The following PTCH2 variants were observed in gnomAD, a reference collection of about 807,000 sequenced individuals.
The protein encoded by PTCH2 is patched 2.
A neutral mutation model predicts 117.9 loss-of-function variants in PTCH2; 96 were observed. The observed-to-expected ratio is 0.81, with a 90% confidence interval of 0.69 to 0.96. The LOEUF is 0.96. PTCH2 is among the 50% of genes least tolerant of loss of function. PTCH2 has a pLI of 0.00. For synonymous variants in PTCH2, 615 were observed against 660.9 expected (o/e 0.93, Z 1.06); for missense variants, 1,379 against 1,562.5 (o/e 0.88, Z 1.98).
In PTCH2 at chr1:44,828,382, G is replaced by A. The variant is rs1458154959; in HGVS notation, c.1623C>T (p.Ala541=). Residue 541 remains alanine, a synonymous_variant, in exon 13 of 22, where the codon GCC becomes GCT. Transcript: ENST00000372192. ...GGATGGCTGGGAAGACAAGCATCAC[G>A]GCTACAAAGGTGCAGCCAACCACTA... The part of the protein sequence containing the change: ...AAIVVGCTFV[A]VMLVFPAILS... The A allele has an allele frequency of 4.3e-6, 7 of 1,614,046 alleles. No homozygotes were observed. The highest frequency in any genetic ancestry group is 3.3e-5 in the South Asian group (3 of 91,088).
In PTCH2 at chr1:44,822,339, G is replaced by C. The variant is rs1169161992; in HGVS notation, c.*76C>G. The C allele has an allele frequency of 6.2e-7, 1 of 1,606,804 alleles. No homozygotes were observed. Among genetic ancestry groups the C allele is most frequent in the Non-Finnish European group, 8.5e-7 (1 of 1,179,880 alleles). On this transcript the variant is annotated 3_prime_UTR_variant, in exon 22 of 22. Coordinates refer to ENST00000372192, the MANE Select transcript of PTCH2 (RefSeq NM_003738.5). ...GCAGGGCCCTCCAGGGGTCCATCCT[G>C]CGTCTAACACCAGACCCAGTGCTTC...
chr1:44,832,377 G>T, intron 2 of PTCH2, 36 bp from the exon 3 acceptor site: 1 of 1,610,926 alleles, frequency 6.2e-7, no homozygotes, highest in Non-Finnish European at 8.5e-7. Flanking sequence ...GGGGGGAAAG[G>T]GCCTAGGCGG....
In PTCH2 at chr1:44,827,006, ACCCACACGGTCAG is replaced by A. The variant is rs1470305970; in HGVS notation, c.2578_2590del (p.Leu860Ter). The A allele has an allele frequency of 6.2e-6, 10 of 1,613,912 alleles. No individual in the cohort carries two copies. The highest frequency in any genetic ancestry group is 8.5e-6 in the Non-Finnish European group (10 of 1,180,012). On this transcript the variant is annotated frameshift_variant, in exon 17 of 22. Coordinates refer to ENST00000372192, the MANE Select transcript of PTCH2 (RefSeq NM_003738.5). LOFTEE classifies it high-confidence loss of function. ...TGCCAGACCCAGGGGGTCACTGCTC[ACCCACACGGTCAG>A]CCCCATGTAGAAGAGCTCGGGTGGA...
chr1:44,830,587 C>CAAAAAAAAAAACAAAAAAAA (rs1653390315), intron 6 of PTCH2, among the ~76,000 whole-genome samples: 1 of 65,178 alleles, frequency 1.5e-5, no homozygotes. Flanking sequence ...GAGTGAGACT[C>CAAAAAAAAAAACAAAAAAAA]AAAAAAAAAA....
chr1:44,830,150 A>T lies in PTCH2; in HGVS notation c.814-120T>A, dbSNP rs529709872. On this transcript the variant is annotated intron_variant, in intron 6 of 21. Coordinates refer to ENST00000372192, the MANE Select transcript of PTCH2 (RefSeq NM_003738.5). ...AGCTCAGTAGGGCTGGAGTGTAGGT[A>T]ACTATTCTGAGCCTCTTGACTGCTC... is the stretch of plus-strand genomic sequence containing the variant. The T allele has an allele frequency of 9.5e-6, 13 of 1,369,130 alleles. No homozygotes were observed. In the South Asian group the frequency reaches 1.7e-4, roughly 18 times the overall value. The allele number at this position is 1,369,130 out of a possible 1,614,324, so 84.8% of individuals were successfully genotyped here. A position where few individuals can be genotyped will look rare whatever the true frequency, so the allele number is the denominator to read the frequency against.
chr1:44,822,440 C>T lies in PTCH2; in HGVS notation c.3587G>A (p.Arg1196Lys). 1 of 1,613,904 alleles carries T rather than the reference C, an allele frequency of 6.2e-7. No individual in the cohort carries two copies. Among genetic ancestry groups the T allele is most frequent in the Non-Finnish European group, 8.5e-7 (1 of 1,180,030 alleles). Residue 1196 changes from arginine to lysine, a missense_variant, in exon 22 of 22, where the codon AGG becomes AAG. Coordinates refer to ENST00000372192, the MANE Select transcript of PTCH2 (RefSeq NM_003738.5). Reference sequence around the variant, plus strand: ...TCACCCAGTGGCTGGACCTGGTCCCCTGGAACTGAGGTTGCCAGAGCTAGT... The same window carrying T: ...TCACCCAGTGGCTGGACCTGGTCCCTTGGAACTGAGGTTGCCAGAGCTAGT... ...AATSSGNLSS[R>K]GPGPATG
At position 44,823,007 on chromosome 1, in the gene PTCH2, T is replaced by C. The variant is rs879692144; in HGVS notation, c.3357+62A>G. On this transcript the variant is annotated intron_variant, in intron 21 of 21. Transcript: ENST00000372192. The surrounding 1 kb of genome is among the most constrained non-coding windows in gnomAD (Gnocchi z 5.1). ...GGCCACAGGGCTCTGTCCCTTCCCTTGCCTCTCCCTACCCCGTCCCTTGGG... is the reference window on the plus strand; with the variant it reads ...GGCCACAGGGCTCTGTCCCTTCCCTCGCCTCTCCCTACCCCGTCCCTTGGG... The C allele has an allele frequency of 1.2e-5, 19 of 1,546,492 alleles. No homozygotes were observed. In the Admixed American group the frequency reaches 3.0e-4, roughly 25 times the overall value.
At chr1:44,836,669 C>T (rs1353216953) in intron 2 of PTCH2, among the ~76,000 whole-genome samples, 1 of 151,612 alleles carries the variant, frequency 6.6e-6, no homozygotes, top group Non-Finnish European at 1.5e-5. Context: ...CAATCCACTG[C>T]ACTCCAGCCT....
At chr1:44,828,220 T>G (rs1653252509) in intron 13 of PTCH2, 29 bp from the exon 14 acceptor site, 1 of 1,612,970 alleles carries the variant, frequency 6.2e-7, no homozygotes, top group Admixed American at 1.7e-5. Flanking sequence ...GGATGACAGG[T>G]CTGTGCCTTG....
At chr1:44,839,702 G>T (rs1188199780) in intron 2 of PTCH2, among the ~76,000 whole-genome samples, 2 of 152,316 alleles carry the variant, frequency 1.3e-5, no homozygotes, top group African/African-American at 2.4e-5. Flanking sequence ...CAGTGGTGTG[G>T]GTGGGGATAT....
intron 6 of PTCH2, 63 bp from the exon 7 acceptor site, chr1:44,830,093 G>T (rs998018755): frequency 6.3e-7 from 1 of 1,598,804 alleles, no homozygotes; most frequent in South Asian, 1.1e-5. Flanking sequence ...AGTGTCCCTG[G>T]GCTTCCACCT....
rs1460826948 is a variant in PTCH2 at position 44,829,736 on chromosome 1, A to G, written c.961T>C (p.Leu321=). 6.2e-7 allele frequency: 1 copy of G among 1,614,246 alleles called. No individual in the cohort carries two copies. The highest frequency in any genetic ancestry group is 2.2e-5 in the East Asian group (1 of 44,882). The stretch of plus-strand genomic sequence containing the variant: ...TACAGCTGGCGGGGACTCATCAGCA[A>G]GAAGGTGCTCTGCAGGGCCTCTGCC... ...LRAEALQSTF[L]LMSPRQLYEH... is the part of the protein sequence containing the mutation. Residue 321 remains leucine (L), a synonymous_variant, in exon 8 of 22, where the codon TTG becomes CTG. Transcript: ENST00000372192.
At position 44,827,561 on chromosome 1, in the gene PTCH2, CG is replaced by C; in HGVS notation, c.2211del (p.Tyr737Ter). 6.2e-7 allele frequency: 1 copy of C among 1,614,144 alleles called. No homozygotes were observed. The highest frequency in any genetic ancestry group is 8.5e-7 in the Non-Finnish European group (1 of 1,180,028). ...CCACCCTGGGTCACCAGGGCCACCT[CG>C]TACAGGGAGAAGTACCTGAGCTGGG... ...LSAQLRYFSL[Y>X]EVALVTQGGF... On this transcript the variant is annotated frameshift_variant, in exon 15 of 22. Transcript: ENST00000372192. LOFTEE classifies it high-confidence loss of function.
At position 44,842,897 on chromosome 1, in the gene PTCH2, C is replaced by T; in HGVS notation, c.36G>A (p.Pro12=). ...CGGTTCGAGCTGGGGGTGTGTAACT[C>T]GGGGGCAGCTCTCTGAGGGGCGGCG... ...TRSPPLRELP[P]SYTPPARTAA... The change falls in exon 1 of 22, where the codon CCG becomes CCA. Residue 12 remains proline, a synonymous_variant. Transcript: ENST00000372192. 1 of 1,526,756 alleles carries T rather than the reference C, an allele frequency of 6.5e-7. No homozygotes were observed. The highest frequency in any genetic ancestry group is 1.2e-5 in the South Asian group (1 of 83,492). The allele number at this position is 1,526,756 out of a possible 1,614,324, so 94.6% of individuals were successfully genotyped here. A position where few individuals can be genotyped will look rare whatever the true frequency, so the allele number is the denominator to read the frequency against.
In PTCH2 at chr1:44,826,217, T is replaced by C. The variant is rs1419921453; in HGVS notation, c.3114+33A>G. 2 of 1,610,158 alleles carry C rather than the reference T, an allele frequency of 1.2e-6. No homozygotes were observed. Among genetic ancestry groups the C allele is most frequent in the East Asian group, 2.2e-5 (1 of 44,818 alleles). ...AATATGTGTTGAATACTGAATCAGC[T>C]GATTGGTCCCTCCCCGGGGTGCCCG... On this transcript the variant is annotated intron_variant, in intron 19 of 21. Transcript: ENST00000372192. The surrounding 1 kb of genome is among the most constrained non-coding windows in gnomAD (Gnocchi z 5.1).
chr1:44,820,594 G>A (rs1652871390), downstream of PTCH2: 4 of 684,082 alleles, frequency 5.8e-6, no homozygotes, highest in Non-Finnish European at 1.1e-5. Context: ...AGGGAATGGC[G>A]TATGAGAAAT....
chr1:44,842,580 A>T (rs1654002035), intron 1 of PTCH2, among the ~76,000 whole-genome samples: 1 of 152,098 alleles, frequency 6.6e-6, no homozygotes, highest in South Asian at 2.1e-4. Context: ...CCCGGCCGGC[A>T]TAGGCCCATT....
At chr1:44,832,952 G>C (rs1653524989) in intron 2 of PTCH2, among the ~76,000 whole-genome samples, 1 of 152,138 alleles carries the variant, frequency 6.6e-6, no homozygotes, top group Admixed American at 6.5e-5. Flanking sequence ...GTGGGGGAGA[G>C]GGAGGATGGG....
chr1:44,823,426 T>C lies in PTCH2; in HGVS notation c.3115-41A>G. On this transcript the variant is annotated intron_variant, in intron 19 of 21. Transcript: ENST00000372192. This position sits in a 1 kb window ranked among gnomAD's most constrained non-coding sequence, Gnocchi z 5.1. Reference sequence around the variant, plus strand: ...GGTCCTGGAGCTGCTCCTCTGCCAGTCATGGCCAGCTCAGCCATGTCCCGA... The same window carrying C: ...GGTCCTGGAGCTGCTCCTCTGCCAGCCATGGCCAGCTCAGCCATGTCCCGA... The C allele has an allele frequency of 1.2e-6, 2 of 1,613,794 alleles. No homozygotes were observed. The highest frequency in any genetic ancestry group is 2.2e-5 in the South Asian group (2 of 91,042).
Sources: allele counts gnomAD v4.1 joint callset (sites outside exome capture counted in the v4.1 genomes callset), GRCh38; gene constraint gnomAD v4.1.1; non-coding constraint Gnocchi (gnomAD v3.1); transcripts MANE v1.5; gene names NCBI Gene and HGNC (gene_info 2026-07-23, HGNC 2026-07-21).